The following SPAG11B variants were observed in gnomAD, a reference collection of about 807,000 sequenced individuals.
SPAG11B encodes the protein sperm-associated antigen 11B.
A neutral mutation model predicts 8.9 loss-of-function variants in SPAG11B; 5 were observed. The ratio of observed to expected loss-of-function variants is 0.56; its 90% confidence interval spans 0.29 to 1.19. The LOEUF is 1.19. SPAG11B is among the 50% of genes most tolerant of loss of function. The probability of loss-of-function intolerance (pLI) is 0.08; values close to 1 mark genes in which losing one functional copy is unlikely to be tolerated. For synonymous variants in SPAG11B, 12 were observed against 53.0 expected (o/e 0.23, Z 3.36); for missense variants, 38 against 146.4 (o/e 0.26, Z 3.82).
At chr8:7,451,757 G>C (rs1213942115) in intron 2 of SPAG11B, among the ~76,000 whole-genome samples, 5 of 151,546 alleles carry the variant, frequency 3.3e-5, no homozygotes, top group Non-Finnish European at 7.4e-5. Context: ...TGTCTCCTTA[G>C]ACAACTCATT....
intron 2 of SPAG11B, among the ~76,000 whole-genome samples, chr8:7,453,980 T>A (rs1278380226): frequency 6.9e-6 from 1 of 144,460 alleles, no homozygotes; most frequent in Non-Finnish European, 1.5e-5. Flanking sequence ...AAAATAGTTA[T>A]GAATATTTGT....
intron 2 of SPAG11B, among the ~76,000 whole-genome samples, chr8:7,453,673 A>G (rs1194194249): frequency 6.7e-6 from 1 of 150,022 alleles, no homozygotes; most frequent in Non-Finnish European, 1.5e-5. Flanking sequence ...GGATTTTGAA[A>G]AAGAGACATC....
intron 2 of SPAG11B, among the ~76,000 whole-genome samples, chr8:7,453,358 G>C (rs1179370646): frequency 6.7e-6 from 1 of 149,086 alleles, no homozygotes; most frequent in African/African-American, 2.5e-5. Flanking sequence ...TTAAGCAAAA[G>C]GGGCAAGTGA....
chr8:7,453,347 C>G (rs1457684365), intron 2 of SPAG11B, among the ~76,000 whole-genome samples: 1 of 148,918 alleles, frequency 6.7e-6, no homozygotes, highest in Non-Finnish European at 1.5e-5. Context: ...TTAAAATTCT[C>G]TTAAGCAAAA....
intron 2 of SPAG11B, among the ~76,000 whole-genome samples, chr8:7,452,736 C>G (rs1810253718): frequency 1.2e-5 from 1 of 84,822 alleles, no homozygotes; most frequent in Non-Finnish European, 2.3e-5. Context: ...TTCCCAGCAA[C>G]ATGACTCCCA....
downstream of SPAG11B, among the ~76,000 whole-genome samples, chr8:7,450,021 A>G (rs1427797513): frequency 8.0e-6 from 1 of 125,402 alleles, no homozygotes; most frequent in Admixed American, 8.6e-5. Context: ...GCCTTGCTCC[A>G]ATTGCACAGA....
downstream of SPAG11B, chr8:7,447,868 C>T: frequency 4.1e-6 from 3 of 733,918 alleles, no homozygotes; most frequent in Non-Finnish European, 6.0e-6. Flanking sequence ...GCAGTCCAGG[C>T]TTAGTCAGAG....
rs1554544309 is a variant in SPAG11B at position 7,454,096 on chromosome 8, A to AAG, written c.215-3197_215-3196insCT. 2.7e-4 allele frequency among the ~76,000 whole-genome samples: 33 copies of AAG among 122,374 alleles called. 2 individuals are homozygous for AAG. Among genetic ancestry groups the AAG allele is most frequent in the Admixed American group, 1.7e-3 (21 of 12,536 alleles). 80.3% of individuals were successfully genotyped at this position (122,374 alleles called of 152,430 possible). A position where few individuals can be genotyped will look rare whatever the true frequency, so the allele number is the denominator to read the frequency against. ...CTGAAATCTCTCAAAAAAAAAAAAAAAAAGAAAGAAAGAAAGAAAAGCAAT... is the reference window on the plus strand; with the variant it reads ...CTGAAATCTCTCAAAAAAAAAAAAAAAGAAAGAAAGAAAGAAAGAAAAGCAAT... On this transcript the variant is annotated intron_variant, in intron 2 of 2. Transcript: ENST00000398462.
intron 2 of SPAG11B, among the ~76,000 whole-genome samples, chr8:7,452,935 C>T (rs1214522154): frequency 6.9e-6 from 1 of 145,442 alleles, no homozygotes; most frequent in African/African-American, 2.6e-5. Context: ...GTGGATGAAC[C>T]TCACAAACGC....
At chr8:7,451,763 T>G (rs1191825302) in intron 2 of SPAG11B, among the ~76,000 whole-genome samples, 68 of 151,670 alleles carry the variant, frequency 4.5e-4, no homozygotes, top group Non-Finnish European at 9.0e-4. Flanking sequence ...CTTAGACAAC[T>G]CATTTAACTG....
intron 2 of SPAG11B, among the ~76,000 whole-genome samples, chr8:7,453,846 A>G (rs923855568): frequency 6.7e-6 from 1 of 149,248 alleles, no homozygotes; most frequent in African/African-American, 2.5e-5. Context: ...ACCTTGCAAA[A>G]TCACCTTTGA....
intron 2 of SPAG11B, among the ~76,000 whole-genome samples, chr8:7,453,675 A>C (rs1478703455): frequency 6.7e-6 from 1 of 149,934 alleles, no homozygotes; most frequent in African/African-American, 2.5e-5. Flanking sequence ...ATTTTGAAAA[A>C]GAGACATCAA....
intron 2 of SPAG11B, among the ~76,000 whole-genome samples, chr8:7,452,999 T>G (rs1810272187): frequency 6.8e-6 from 1 of 147,446 alleles, no homozygotes; most frequent in African/African-American, 2.6e-5. Flanking sequence ...TTCCAAAAAT[T>G]TGGCAAAATT....
intron 2 of SPAG11B, among the ~76,000 whole-genome samples, chr8:7,458,802 G>A (rs1810603362): frequency 1.0e-5 from 1 of 97,874 alleles, no homozygotes; most frequent in African/African-American, 5.2e-5. Context: ...AAGGATAACT[G>A]GGGTTTAAGC....
downstream of SPAG11B, among the ~76,000 whole-genome samples, chr8:7,449,581 C>T (rs1158271217): frequency 2.7e-5 from 4 of 150,240 alleles, no homozygotes; most frequent in Non-Finnish European, 5.9e-5. Context: ...TTACTCTGTG[C>T]ACTTCCAGAG....
chr8:7,451,805 T>A (rs1461194974), intron 2 of SPAG11B, among the ~76,000 whole-genome samples: 3 of 151,814 alleles, frequency 2.0e-5, no homozygotes, highest in African/African-American at 7.3e-5. Flanking sequence ...CTGTAAAATG[T>A]GTTCTATGTG....
chr8:7,451,653 G>A, intron 2 of SPAG11B, among the ~76,000 whole-genome samples: 1 of 129,102 alleles, frequency 7.7e-6, no homozygotes, highest in Admixed American at 8.3e-5. Flanking sequence ...AAGTGAAGAA[G>A]GTGGGGGGTC....
downstream of SPAG11B, among the ~76,000 whole-genome samples, chr8:7,450,305 G>A (rs1390264150): frequency 1.4e-5 from 2 of 146,614 alleles, no homozygotes; most frequent in Admixed American, 6.9e-5. Flanking sequence ...AGGCATAAAG[G>A]GAAAAGGGAT....
chr8:7,458,485 A>G (rs1480632428), intron 2 of SPAG11B, among the ~76,000 whole-genome samples: 1 of 51,912 alleles, frequency 1.9e-5, no homozygotes, highest in East Asian at 6.0e-4. Context: ...ATTTCAATGG[A>G]AAAATGCAGT....
Sources: allele counts gnomAD v4.1 joint callset (sites outside exome capture counted in the v4.1 genomes callset), GRCh38; gene constraint gnomAD v4.1.1; transcripts MANE v1.5; gene names NCBI Gene and HGNC (gene_info 2026-07-23, HGNC 2026-07-21).